Variants in KAZN observed in about 807,000 individuals in gnomAD.
The protein encoded by KAZN is kazrin, periplakin interacting protein.
KAZN carries 40 observed loss-of-function variants against 87.4 expected under a neutral mutation model. The observed-to-expected ratio is 0.46, with a 90% CI of 0.36 to 0.60. The LOEUF (loss-of-function observed/expected upper bound fraction) is 0.60. Among genes scored for constraint, KAZN ranks in the 20% least tolerant of loss-of-function variants. The probability of loss-of-function intolerance (pLI) is 0.00; values close to 1 mark genes in which losing one functional copy is unlikely to be tolerated. For synonymous variants in KAZN, 466 were observed against 458.3 expected, an observed-to-expected ratio of 1.02 and a Z score of -0.22; for missense variants, 898 against 1,073.9, an observed-to-expected ratio of 0.84 and a Z score of 2.29.
chr1:14,060,175 A>G (rs1264191040), intron 1 of KAZN, among the ~76,000 whole-genome samples: 2 of 152,082 alleles, frequency 1.3e-5, no homozygotes, highest in African/African-American at 4.8e-5. Context: ...CATCCTAGCT[A>G]ACACAGTGAA....
chr1:14,106,745 C>T (rs2101659080), intron 1 of KAZN, among the ~76,000 whole-genome samples: 1 of 152,302 alleles, frequency 6.6e-6, no homozygotes, highest in African/African-American at 2.4e-5. Flanking sequence ...TATTCAGTGG[C>T]ATCCCAGAAG....
At chr1:14,067,578 T>C (rs918208521) in intron 1 of KAZN, among the ~76,000 whole-genome samples, 31 of 152,186 alleles carry the variant, frequency 2.0e-4, no homozygotes, top group African/African-American at 7.0e-4. Flanking sequence ...TGGTGCCTCA[T>C]GCTGCTCTGT....
chr1:14,385,208 T>TC (rs1661760972), intron 2 of KAZN, among the ~76,000 whole-genome samples: 1 of 152,214 alleles, frequency 6.6e-6, no homozygotes, highest in Non-Finnish European at 1.5e-5. Context: ...CTTCTTTTTT[T>TC]CTTTATTAGT....
At chr1:14,843,425 G>T (rs1648272324) in intron 1 of KAZN, among the ~76,000 whole-genome samples, 1 of 152,214 alleles carries the variant, frequency 6.6e-6, no homozygotes, top group Admixed American at 6.5e-5. Flanking sequence ...AAGAGGAGTA[G>T]TTTTCTAGGC....
intron 2 of KAZN, among the ~76,000 whole-genome samples, chr1:14,422,943 C>A (rs1665516598): frequency 1.3e-5 from 2 of 152,360 alleles, no homozygotes; most frequent in South Asian, 4.1e-4. Flanking sequence ...ATTGAGGCTT[C>A]TTTGCCTAAG....
At chr1:14,760,597 A>G (rs1032787017) in intron 1 of KAZN, among the ~76,000 whole-genome samples, 32 of 152,172 alleles carry the variant, frequency 2.1e-4, no homozygotes, top group African/African-American at 7.7e-4. Context: ...CAGCCAGAGT[A>G]GTCTTTTAAA....
chr1:14,181,647 T>A (rs1447224540), intron 2 of KAZN, among the ~76,000 whole-genome samples: 1 of 152,142 alleles, frequency 6.6e-6, no homozygotes, highest in African/African-American at 2.4e-5. Context: ...CTATTCACGG[T>A]TCTCCTGCTC....
At chr1:14,037,024 C>T (rs530649334) in intron 1 of KAZN, among the ~76,000 whole-genome samples, 23 of 152,108 alleles carry the variant, frequency 1.5e-4, no homozygotes, top group East Asian at 7.8e-4. Context: ...GTGATCTGCC[C>T]GCCTCAGCCT....
At chr1:14,837,342 G>A (rs1647368641) in intron 1 of KAZN, among the ~76,000 whole-genome samples, 1 of 151,914 alleles carries the variant, frequency 6.6e-6, no homozygotes, top group South Asian at 2.1e-4. Context: ...TGGGATTACA[G>A]GCAGGCGCCA....
chr1:14,620,131 A>G (rs895792670), intron 1 of KAZN, among the ~76,000 whole-genome samples: 2 of 152,220 alleles, frequency 1.3e-5, no homozygotes, highest in Admixed American at 6.5e-5. Flanking sequence ...ATCTATGTAT[A>G]TATGCGTATT....
At chr1:14,017,305 G>A (rs1640616507) in intron 1 of KAZN, among the ~76,000 whole-genome samples, 1 of 152,130 alleles carries the variant, frequency 6.6e-6, no homozygotes, top group African/African-American at 2.4e-5. Flanking sequence ...TCAAATCTGT[G>A]TCCATAAACA....
At chr1:14,129,253 A>T (rs16853613) in intron 1 of KAZN, among the ~76,000 whole-genome samples, 1 of 152,160 alleles carries the variant, frequency 6.6e-6, no homozygotes, top group Non-Finnish European at 1.5e-5. Context: ...AGGCCAGATA[A>T]TACAGAAGCC....
chr1:14,235,888 A>G (rs1409147044), intron 2 of KAZN, among the ~76,000 whole-genome samples: 1 of 152,166 alleles, frequency 6.6e-6, no homozygotes, highest in African/African-American at 2.4e-5. Context: ...GGTCTTGTAC[A>G]GGCACAGGAG....
chr1:14,847,486 C>T (rs932944815), intron 1 of KAZN, among the ~76,000 whole-genome samples: 3 of 152,202 alleles, frequency 2.0e-5, no homozygotes, highest in African/African-American at 7.2e-5. Flanking sequence ...TGTTTTGACT[C>T]CCACCTCCAT....
At chr1:14,119,716 C>T (rs1644709828) in intron 1 of KAZN, among the ~76,000 whole-genome samples, 1 of 152,146 alleles carries the variant, frequency 6.6e-6, no homozygotes, top group Admixed American at 6.5e-5. Flanking sequence ...ATAGCTGACA[C>T]TCAAGGAAAA....
At chr1:14,290,495 T>C (rs1378360732) in intron 2 of KAZN, among the ~76,000 whole-genome samples, 2 of 152,244 alleles carry the variant, frequency 1.3e-5, no homozygotes, top group Non-Finnish European at 2.9e-5. Flanking sequence ...GCGTGCCTCA[T>C]GTAGTTCTTG....
chr1:14,767,316 G>T (rs1644910274), intron 1 of KAZN, among the ~76,000 whole-genome samples: 1 of 152,186 alleles, frequency 6.6e-6, no homozygotes, highest in Non-Finnish European at 1.5e-5. Flanking sequence ...TGAGCTGAAG[G>T]CTGGGAGTGG....
intron 2 of KAZN, among the ~76,000 whole-genome samples, chr1:14,999,378 G>A (rs1035772495): frequency 1.3e-5 from 2 of 152,224 alleles, no homozygotes; most frequent in Admixed American, 1.3e-4. Context: ...GGGCTTTCTG[G>A]AGGATAAAGC....
chr1:14,491,560 A>T (rs1258555782), intron 2 of KAZN, among the ~76,000 whole-genome samples: 2 of 152,188 alleles, frequency 1.3e-5, no homozygotes, highest in Admixed American at 1.3e-4. Flanking sequence ...TTTTAATGAG[A>T]ATACCTTCTG....
Sources: allele counts gnomAD v4.1 joint callset (sites outside exome capture counted in the v4.1 genomes callset), GRCh38; gene constraint gnomAD v4.1.1; transcripts MANE v1.5; gene names NCBI Gene and HGNC (gene_info 2026-07-23, HGNC 2026-07-21).